Variants in NEO1 observed in about 807,000 individuals in gnomAD.
NEO1 encodes neogenin.
A neutral mutation model predicts 159.7 loss-of-function variants in NEO1; 63 were observed. That is an observed-to-expected ratio of 0.39 (90% CI 0.32 to 0.49). The LOEUF (loss-of-function observed/expected upper bound fraction) is 0.49. Among genes scored for constraint, NEO1 ranks in the 20% least tolerant of loss-of-function variants. NEO1 has a pLI of 0.85. For missense variants in NEO1, 1,615 were observed against 1,831.0 expected (o/e 0.88, Z 2.15); for synonymous variants, 633 against 662.0 (o/e 0.96, Z 0.67).
At chr15:73,114,990 G>A (rs1396488357) in intron 1 of NEO1, among the ~76,000 whole-genome samples, 2 of 151,976 alleles carry the variant, frequency 1.3e-5, no homozygotes, top group African/African-American at 2.4e-5. Flanking sequence ...CTTATTTTCA[G>A]GAATTTTAAG....
intron 1 of NEO1, among the ~76,000 whole-genome samples, chr15:73,077,122 G>A (rs1048464773): frequency 6.6e-6 from 1 of 152,116 alleles, no homozygotes; most frequent in East Asian, 1.9e-4. Context: ...CAGCTCCCCA[G>A]AACCTCTGCC....
intron 15 of NEO1, among the ~76,000 whole-genome samples, chr15:73,263,190 CTTTTT>C (rs33959030): frequency 1.4e-3 from 173 of 124,110 alleles, no homozygotes; most frequent in Middle Eastern, 4.0e-3. Flanking sequence ...TCATAGTTGA[CTTTTT>C]TTTTTTTTTT....
At chr15:73,267,738 A>G (rs1596534362) in intron 16 of NEO1, among the ~76,000 whole-genome samples, 1 of 152,196 alleles carries the variant, frequency 6.6e-6, no homozygotes, top group African/African-American at 2.4e-5. Flanking sequence ...TTATGGCTGC[A>G]TAGCATTCCA....
chr15:73,095,297 T>G (rs1322389483), intron 1 of NEO1, among the ~76,000 whole-genome samples: 2 of 152,080 alleles, frequency 1.3e-5, no homozygotes, highest in African/African-American at 4.8e-5. Context: ...TTTTTACATT[T>G]TGAAAGTGTT....
chr15:73,067,761 C>T (rs959556662), intron 1 of NEO1, among the ~76,000 whole-genome samples: 9 of 151,906 alleles, frequency 5.9e-5, no homozygotes, highest in Non-Finnish European at 8.8e-5. Context: ...GGACTACAGG[C>T]GCCCGCCACC....
rs553819435 is a variant in NEO1, at chr15:73,226,635, T to C, written c.1292-9712T>C. On this transcript the variant is annotated intron_variant, in intron 7 of 28. Coordinates refer to ENST00000261908, the MANE Select transcript of NEO1 (RefSeq NM_002499.4). ...CCAAAAGTAATATTCTGTGGAAGTA[T>C]ACTTTTGTTCACACTGTTACTATGT... Among the ~76,000 whole-genome samples, 12 of 152,346 alleles carry C rather than the reference T, an allele frequency of 7.9e-5. No individual in the cohort carries two copies. The South Asian group carries it at 2.5e-3, about 32-fold the overall frequency.
chr15:73,221,006 T>C (rs905472616), intron 7 of NEO1, among the ~76,000 whole-genome samples: 1 of 152,240 alleles, frequency 6.6e-6, no homozygotes, highest in Non-Finnish European at 1.5e-5. Flanking sequence ...GGCGCTCTGC[T>C]TTTTAGAGTT....
At chr15:73,288,006 T>C (rs2042015638) in intron 23 of NEO1, among the ~76,000 whole-genome samples, 2 of 152,194 alleles carry the variant, frequency 1.3e-5, no homozygotes, top group African/African-American at 4.8e-5. Context: ...GGTTATGAGA[T>C]TATATAATGA....
chr15:73,145,293 A>T (rs2032793783), intron 5 of NEO1, among the ~76,000 whole-genome samples: 1 of 152,032 alleles, frequency 6.6e-6, no homozygotes. Flanking sequence ...ATAATAACCT[A>T]CTCTTGGCAA....
chr15:73,225,238 C>G (rs916155944), intron 7 of NEO1, among the ~76,000 whole-genome samples: 1 of 152,078 alleles, frequency 6.6e-6, no homozygotes, highest in Non-Finnish European at 1.5e-5. Context: ...TGTGAGAGTT[C>G]TTAGCTTTGG....
In NEO1 at chr15:73,246,289, A is replaced by G. The variant is rs139521210; in HGVS notation, c.1606+1791A>G. Among the ~76,000 whole-genome samples the G allele has an allele frequency of 1.8e-3, 276 of 152,332 alleles. 1 individual carries two copies. Among genetic ancestry groups the G allele is most frequent in the African/African-American group, 6.5e-3 (269 of 41,590 alleles). On this transcript the variant is annotated intron_variant, in intron 9 of 28. Coordinates refer to ENST00000261908, the MANE Select transcript of NEO1 (RefSeq NM_002499.4). ...ATCATTTCAGTGACAGAGATTGAAG[A>G]TAAGAATCAAACCCAGGCAAGAACA...
intron 23 of NEO1, among the ~76,000 whole-genome samples, chr15:73,283,774 C>G (rs1239491741): frequency 6.6e-6 from 1 of 152,150 alleles, no homozygotes; most frequent in Admixed American, 6.5e-5. Context: ...AACCCGATGC[C>G]CAGGAGTCTG....
intron 5 of NEO1, among the ~76,000 whole-genome samples, chr15:73,164,092 A>G (rs1164357425): frequency 2.0e-5 from 3 of 150,336 alleles, no homozygotes; most frequent in African/African-American, 7.4e-5. Context: ...CAGTGGTGCA[A>G]TCTCAGCTCA....
chr15:73,181,469 A>G (rs577950667), intron 7 of NEO1, among the ~76,000 whole-genome samples: 2 of 152,242 alleles, frequency 1.3e-5, no homozygotes, highest in South Asian at 4.2e-4. Flanking sequence ...TATAAAGAAA[A>G]GAGGTTTAGT....
intron 15 of NEO1, 68 bp from the exon 16 acceptor site, chr15:73,266,248 A>G: frequency 8.1e-7 from 1 of 1,229,038 alleles, no homozygotes; most frequent in East Asian, 2.4e-5. Context: ...AAGATTATGC[A>G]CAGCCACCCT....
intron 7 of NEO1, among the ~76,000 whole-genome samples, chr15:73,210,288 A>T (rs62017780): frequency 0.016 from 2,441 of 152,284 alleles, 25 homozygotes; most frequent in Non-Finnish European, 0.026. Context: ...CCTTTAGCCT[A>T]GTCATTTCTG....
At chr15:73,225,584 G>T (rs1015474694) in intron 7 of NEO1, among the ~76,000 whole-genome samples, 2 of 152,010 alleles carry the variant, frequency 1.3e-5, no homozygotes, top group African/African-American at 4.8e-5. Context: ...GTGGAAAGCC[G>T]CAGTCACAGG....
At chr15:73,111,273 C>T (rs373310258) in intron 1 of NEO1, among the ~76,000 whole-genome samples, 79 of 152,292 alleles carry the variant, frequency 5.2e-4, no homozygotes, top group South Asian at 4.8e-3. Context: ...ATATTTTGAA[C>T]GTACATTTTT....
chr15:73,266,443 A>T (rs2040901411), intron 16 of NEO1, 32 bp downstream of exon 16: 1 of 1,541,738 alleles, frequency 6.5e-7, no homozygotes, highest in Admixed American at 1.8e-5. Context: ...AGTCTCCAGC[A>T]CTTTTCCTAG....
Sources: gnomAD v4.1 joint callset for allele counts (sites outside exome capture counted in the v4.1 genomes callset) on GRCh38, gnomAD v4.1.1 for gene constraint, MANE v1.5 for transcripts, NCBI Gene and HGNC (gene_info 2026-07-23, HGNC 2026-07-21) for gene names.